APC: variants seen among roughly 807,000 people sequenced by gnomAD.
The protein encoded by APC is APC regulator of Wnt signaling pathway.
APC carries 72 observed loss-of-function variants against 247.0 expected under a neutral mutation model. The observed-to-expected ratio is 0.29, with a 90% CI of 0.24 to 0.35. The LOEUF (loss-of-function observed/expected upper bound fraction) is 0.35. Among genes scored for constraint, APC ranks in the 10% least tolerant of loss-of-function variants. The pLI is 1.00. For missense variants in APC, 3,400 were observed against 3,360.7 expected (o/e 1.01, Z -0.29); for synonymous variants, 1,254 against 1,162.5 (o/e 1.08, Z -1.60).
chr5:112,794,699 C>T (rs1387118292), intron 7 of APC, among the ~76,000 whole-genome samples: 4 of 152,138 alleles, frequency 2.6e-5, no homozygotes, highest in Admixed American at 2.6e-4. Context: ...GAGCCGACTC[C>T]TTCACAAGAC....
rs1231069533 is a variant in APC, at chr5:112,754,963, C to A, written c.73C>A (p.Gln25Lys). The A allele has an allele frequency of 6.2e-7, 1 of 1,613,730 alleles. No homozygotes were observed. The change falls in exon 2 of 16, where the codon CAA becomes AAA. Residue 25 changes from glutamine to lysine, a missense_variant. Physicochemically the swap from Gln to Lys is moderately conservative, Grantham distance 53. Around this residue, in one of 9 missense-constraint regions of APC, gnomAD observed 372 missense variants for 367.6 expected, o/e 1.01. Coordinates refer to ENST00000257430, the MANE Select transcript of APC (RefSeq NM_000038.6). ...ALKMENSNLRQELEDNSNHLT... is the reference protein window; with the variant it reads ...ALKMENSNLRKELEDNSNHLT... ...GAAGATGGAGAACTCAAATCTTCGA[C>A]AAGAGCTAGAAGATAATTCCAATCA... is the stretch of plus-strand genomic sequence containing the variant.
chr5:112,832,224 G>A lies in APC; in HGVS notation c.1744-2727G>A, dbSNP rs11960216. On this transcript the variant is annotated intron_variant, in intron 14 of 15. Transcript: ENST00000257430. ...TGTAGCCCCACAGAGAGGAACTTTT[G>A]TATTTTTCTACCTTCAACTCTCAAC... is the stretch of plus-strand genomic sequence containing the variant. Among the ~76,000 whole-genome samples, 16,479 of 152,126 alleles carry A rather than the reference G, an allele frequency of 0.11. 971 individuals are homozygous for A. Among genetic ancestry groups the A allele is most frequent in the African/African-American group, 0.16 (6,649 of 41,478 alleles).
At chr5:112,710,621 T>TAA (rs1425667737) in intron 1 of APC, among the ~76,000 whole-genome samples, 1 of 152,134 alleles carries the variant, frequency 6.6e-6, no homozygotes, top group Non-Finnish European at 1.5e-5. Flanking sequence ...GAGGACGTTC[T>TAA]AAAGCTTGAG....
chr5:112,801,309 TCA>T lies in APC; in HGVS notation c.763_764del (p.His255Ter), dbSNP rs1349827643. On this transcript the variant is annotated frameshift_variant, in exon 8 of 16. Coordinates refer to ENST00000257430, the MANE Select transcript of APC (RefSeq NM_000038.6). LOFTEE classifies it high-confidence loss of function. The part of the protein sequence containing the change: ...RSSQNKHETG[S>X]HDAERQNEGQ... Reference sequence around the variant, plus strand: ...ATCTCAGAACAAGCATGAAACCGGCTCACATGATGCTGAGCGGCAGAATGAAG... The same window carrying T: ...ATCTCAGAACAAGCATGAAACCGGCTCATGATGCTGAGCGGCAGAATGAAG... The T allele has an allele frequency of 6.2e-7, 1 of 1,612,906 alleles. No homozygotes were observed. The highest frequency in any genetic ancestry group is 8.5e-7 in the Non-Finnish European group (1 of 1,179,272).
intron 1 of APC, among the ~76,000 whole-genome samples, chr5:112,750,197 A>G (rs1754177247): frequency 6.6e-6 from 1 of 150,978 alleles, no homozygotes; most frequent in South Asian, 2.1e-4. Flanking sequence ...TCCTGACCTC[A>G]AGTGATCCGC....
At chr5:112,740,716 G>T (rs1037456895) in intron 1 of APC, among the ~76,000 whole-genome samples, 1 of 151,472 alleles carries the variant, frequency 6.6e-6, no homozygotes, top group African/African-American at 2.4e-5. Flanking sequence ...TGTAGAGATG[G>T]GGTTTCACCA....
At position 112,806,517 on chromosome 5, in the gene APC, CTA is replaced by C. The variant is rs140096950; in HGVS notation, c.834+5136_834+5137del. Among the ~76,000 whole-genome samples, 182 of 152,100 alleles carry C rather than the reference CTA, an allele frequency of 1.2e-3. 1 individual carries two copies. Among genetic ancestry groups the C allele is most frequent in the African/African-American group, 4.3e-3 (178 of 41,506 alleles). ...AGATCCCTGCTTGCTTAGCATATAA[CTA>C]TGTGTATAATTTATTTATTAGTTGG... On this transcript the variant is annotated intron_variant, in intron 8 of 15. Transcript: ENST00000257430.
chr5:112,785,614 T>C (rs906014043), intron 6 of APC, among the ~76,000 whole-genome samples: 1 of 152,180 alleles, frequency 6.6e-6, no homozygotes, highest in African/African-American at 2.4e-5. Flanking sequence ...GATGTTGTAA[T>C]AATCACAGTA....
In APC at chr5:112,707,861, C is replaced by T. The variant is rs1438837078; in HGVS notation, c.144C>T (p.Gly48=). The T allele has an allele frequency of 1.5e-6, 2 of 1,369,800 alleles. No individual in the cohort carries two copies. Among genetic ancestry groups the T allele is most frequent in the African/African-American group, 2.9e-5 (2 of 69,826 alleles). 84.9% of individuals were successfully genotyped at this position (1,369,800 alleles called of 1,614,324 possible). Residue 48 remains glycine (G), a synonymous_variant, in exon 1 of 14, where the codon GGC becomes GGT. Coordinates refer to the APC transcript ENST00000507379. ...GCCCGGGCGGCGCTCGTACTTCTGG[C>T]CACTGGGCGAGCGTCTGGCAGGTGA...
chr5:112,806,357 C>A (rs918975815), intron 8 of APC, among the ~76,000 whole-genome samples: 1 of 152,120 alleles, frequency 6.6e-6, no homozygotes, highest in African/African-American at 2.4e-5. Context: ...CCCACACAGT[C>A]CCTGATAAAT....
chr5:112,828,116 A>G lies in APC; in HGVS notation c.1626+110A>G, dbSNP rs558504812. The G allele has an allele frequency of 7.3e-5, 63 of 866,970 alleles. No individual in the cohort carries two copies. In the South Asian group the frequency reaches 8.1e-4, roughly 11 times the overall value. The allele number at this position is 866,970 out of a possible 1,614,324, so 53.7% of individuals were successfully genotyped here. ...AGTTGTGCAATCTCAGCTCACTGCA[A>G]CCTCTGCCTCCAGGGTTCAAGCAAT... On this transcript the variant is annotated intron_variant, in intron 13 of 15. Coordinates refer to ENST00000257430, the MANE Select transcript of APC (RefSeq NM_000038.6).
intron 6 of APC, among the ~76,000 whole-genome samples, chr5:112,785,680 G>A (rs1159779640): frequency 1.3e-5 from 2 of 152,036 alleles, no homozygotes; most frequent in East Asian, 3.9e-4. Context: ...AAGAGGTACA[G>A]GAATATTTAC....
Position 112,707,585 on chromosome 5 carries a change from C to CG in APC, c.-126dup, listed in dbSNP as rs565045828. On this transcript the variant is annotated 5_prime_UTR_variant, in exon 1 of 14. Transcript: ENST00000507379. Reference sequence around the variant, plus strand: ...GGCCGCCGGAAGCCTAGCCGCTGCTCGGGGGGGACCTGCGGGCTCAGGCCC... The same window carrying CG: ...GGCCGCCGGAAGCCTAGCCGCTGCTCGGGGGGGGACCTGCGGGCTCAGGCCC... 10,729 of 967,286 alleles carry CG rather than the reference C, an allele frequency of 0.011. 87 individuals carry two copies. Among genetic ancestry groups the CG allele is most frequent in the Middle Eastern group, 0.023 (87 of 3,744 alleles). The allele number at this position is 967,286 out of a possible 1,614,324, so 59.9% of individuals were successfully genotyped here.
chr5:112,787,813 C>A (rs1759133265), intron 6 of APC, among the ~76,000 whole-genome samples: 2 of 152,084 alleles, frequency 1.3e-5, no homozygotes, highest in African/African-American at 4.8e-5. Flanking sequence ...ATTTATACAT[C>A]TTTTCCTGTA....
Position 112,775,683 on chromosome 5 carries a change from C to T in APC, c.477C>T (p.Tyr159=), listed in dbSNP as rs863224281. The change falls in exon 5 of 16, where the codon TAC becomes TAT. Residue 159 remains tyrosine, a synonymous_variant. Transcript: ENST00000257430. ...DKEEKEKDWY[Y]AQLQNLTKRI... is the part of the protein sequence containing the mutation. ...AAGAAAAGGAAAAAGACTGGTATTACGCTCAACTTCAGAATCTCACTAAAA... is the reference window on the plus strand; with the variant it reads ...AAGAAAAGGAAAAAGACTGGTATTATGCTCAACTTCAGAATCTCACTAAAA... 18 of 1,606,910 alleles carry T rather than the reference C, an allele frequency of 1.1e-5. No individual in the cohort carries two copies. Among genetic ancestry groups the T allele is most frequent in the East Asian group, 6.7e-5 (3 of 44,652 alleles).
chr5:112,840,963 G>GA lies in APC; in HGVS notation c.5375dup (p.Asn1792LysfsTer7). On this transcript the variant is annotated frameshift_variant, in exon 16 of 16. Coordinates refer to ENST00000257430, the MANE Select transcript of APC (RefSeq NM_000038.6). LOFTEE classifies it high-confidence loss of function. The surrounding 1 kb of genome is among the most constrained non-coding windows in gnomAD (Gnocchi z 4.1). ...AATACTGAATATAGGACACGTGTAA[G>GA]AAAAAATGCAGACTCAAAAAATAAT... is the stretch of plus-strand genomic sequence containing the variant. 1 of 1,612,966 alleles carries GA rather than the reference G, an allele frequency of 6.2e-7. No individual in the cohort carries two copies. The highest frequency in any genetic ancestry group is 8.5e-7 in the Non-Finnish European group (1 of 1,179,524).
chr5:112,810,416 C>A, intron 8 of APC: 3 of 214,828 alleles, frequency 1.4e-5, no homozygotes, highest in South Asian at 1.3e-4. Flanking sequence ...AGAAGAAGAG[C>A]CACAGTTTTA....
At chr5:112,823,907 A>G (rs184691636) in intron 11 of APC, among the ~76,000 whole-genome samples, 88 of 152,314 alleles carry the variant, frequency 5.8e-4, no homozygotes, top group Non-Finnish European at 8.8e-5. Flanking sequence ...CTAGGAATCA[A>G]TGTGATAAGT....
At chr5:112,713,274 C>A (rs1164283562) in intron 1 of APC, among the ~76,000 whole-genome samples, 4 of 151,974 alleles carry the variant, frequency 2.6e-5, no homozygotes, top group Admixed American at 2.6e-4. Context: ...CAGGTGCTTT[C>A]CATCTTTATG....
Sources: allele counts gnomAD v4.1 joint callset (sites outside exome capture counted in the v4.1 genomes callset), GRCh38; gene constraint gnomAD v4.1.1; regional missense constraint gnomAD v4.1.1; non-coding constraint Gnocchi (gnomAD v3.1); transcripts MANE v1.5; gene names NCBI Gene and HGNC (gene_info 2026-07-23, HGNC 2026-07-21).